The following DYNC1H1 variants were observed in gnomAD, a reference collection of about 807,000 sequenced individuals.
DYNC1H1 encodes the protein dynein cytoplasmic 1 heavy chain 1.
A neutral mutation model predicts 527.1 loss-of-function variants in DYNC1H1; 51 were observed. That is an observed-to-expected ratio of 0.10 (90% CI 0.08 to 0.12). The LOEUF is 0.12. Ranked by LOEUF, DYNC1H1 falls within the 10% of genes least tolerant of loss-of-function variation. The pLI is 1.00. For synonymous variants in DYNC1H1, 2,189 were observed against 2,278.8 expected, an observed-to-expected ratio of 0.96 and a Z score of 1.12; for missense variants, 2,771 against 5,971.8, an observed-to-expected ratio of 0.46 and a Z score of 17.66.
At position 101,997,376 on chromosome 14, in the gene DYNC1H1, A is replaced by G; in HGVS notation, c.3804+102A>G. The G allele has an allele frequency of 6.4e-7, 1 of 1,572,360 alleles. No individual in the cohort carries two copies. The highest frequency in any genetic ancestry group is 1.3e-5 in the African/African-American group (1 of 74,184). ...AGGCCTTGCTGTGACTGAGCTTTCT[A>G]GTATTGAAGACTCTTTTCCTTTTTG... On this transcript the variant is annotated intron_variant, in intron 16 of 77. Coordinates refer to ENST00000360184, the MANE Select transcript of DYNC1H1 (RefSeq NM_001376.5). The surrounding 1 kb of genome is among the most constrained non-coding windows in gnomAD (Gnocchi z 4.8).
At position 102,001,988 on chromosome 14, in the gene DYNC1H1, G is replaced by T. The variant is rs755884133; in HGVS notation, c.4542+307G>T. Among the ~76,000 whole-genome samples the T allele has an allele frequency of 2.0e-5, 3 of 152,068 alleles. No individual in the cohort carries two copies. Among genetic ancestry groups the T allele is most frequent in the Admixed American group, 6.5e-5 (1 of 15,282 alleles). On this transcript the variant is annotated intron_variant, in intron 21 of 77. Coordinates refer to ENST00000360184, the MANE Select transcript of DYNC1H1 (RefSeq NM_001376.5). This position sits in a 1 kb window ranked among gnomAD's most constrained non-coding sequence, Gnocchi z 5.0. ...GCATCTCACTATATTGCCCAGGCTG[G>T]TCTCGAACTCCTGGGCTTAAGCAGT...
Position 102,039,239 on chromosome 14 carries a change from G to A in DYNC1H1, c.11445G>A (p.Met3815Ile). The change falls in exon 60 of 78, where the codon ATG becomes ATA. Residue 3815 changes from methionine to isoleucine, a missense_variant. Met to Ile is a conservative substitution (Grantham distance 10). Coordinates refer to ENST00000360184, the MANE Select transcript of DYNC1H1 (RefSeq NM_001376.5). The surrounding 1 kb of genome is among the most constrained non-coding windows in gnomAD (Gnocchi z 7.0). The stretch of plus-strand genomic sequence containing the variant: ...CCTGCAGCAGCATCTACTTCACCAT[G>A]GAGTCCCTCAAGCAGGTGGGTGCCT... Reference protein sequence around the residue: ...STACSSIYFTMESLKQIHFLY... With the variant: ...STACSSIYFTIESLKQIHFLY... 1 of 1,613,620 alleles carries A rather than the reference G, an allele frequency of 6.2e-7. No individual in the cohort carries two copies. Among genetic ancestry groups the A allele is most frequent in the Non-Finnish European group, 8.5e-7 (1 of 1,180,034 alleles).
intron 16 of DYNC1H1, among the ~76,000 whole-genome samples, chr14:101,998,450 T>A (rs2048090678): frequency 6.6e-6 from 1 of 152,196 alleles, no homozygotes; most frequent in Admixed American, 6.5e-5. Flanking sequence ...TCCCAGGCGA[T>A]TGGTTTGTTT....
At position 102,044,948 on chromosome 14, in the gene DYNC1H1, A is replaced by G. The variant is rs1306226160; in HGVS notation, c.13006+250A>G. On this transcript the variant is annotated intron_variant, in intron 72 of 77. Coordinates refer to ENST00000360184, the MANE Select transcript of DYNC1H1 (RefSeq NM_001376.5). This position sits in a 1 kb window ranked among gnomAD's most constrained non-coding sequence, Gnocchi z 7.1. ...GCAGCATCAACTCAGTTCTAGAGAA[A>G]AGGCTTGATATTTATGTAAATGAGC... 7 of 562,572 alleles carry G rather than the reference A, an allele frequency of 1.2e-5. No homozygotes were observed. The highest frequency in any genetic ancestry group is 9.6e-6 in the Non-Finnish European group (3 of 313,520). The allele number at this position is 562,572 out of a possible 1,614,324, so 34.8% of individuals were successfully genotyped here.
chr14:102,048,910 C>G (rs2048764934), intron 74 of DYNC1H1: 1 of 572,234 alleles, frequency 1.7e-6, no homozygotes, highest in Non-Finnish European at 3.1e-6. Context: ...TACACAACTT[C>G]TAGTTTTTTA....
chr14:102,026,659 C>T lies in DYNC1H1; in HGVS notation c.8723C>T (p.Pro2908Leu). The change falls in exon 44 of 78, where the codon CCG (proline) becomes CTG (leucine). Residue 2908 changes from proline (P) to leucine (L), a missense_variant. Pro to Leu is a moderately conservative substitution (Grantham distance 98). Transcript: ENST00000360184. ...TTTTATGAAGAAGAACTTGATGTTC[C>T]GCTGGTGCTGTTTAATGAAGTCCTA... ...KVFYEEELDV[P>L]LVLFNEVLDH... 2 of 1,614,088 alleles carry T rather than the reference C, an allele frequency of 1.2e-6. No homozygotes were observed. The highest frequency in any genetic ancestry group is 1.7e-6 in the Non-Finnish European group (2 of 1,180,024).
intron 73 of DYNC1H1, 57 bp downstream of exon 73, chr14:102,048,085 T>C: frequency 6.4e-7 from 1 of 1,554,184 alleles, no homozygotes. Context: ...CTGGGTATGG[T>C]CATGGACCAT....
chr14:102,018,428 T>C lies in DYNC1H1; in HGVS notation c.8178-23T>C. 2.5e-6 allele frequency: 4 copies of C among 1,611,488 alleles called. No homozygotes were observed. The highest frequency in any genetic ancestry group is 2.5e-6 in the Non-Finnish European group (3 of 1,179,764). ...GGGAGGCGCTGTCAGGGAGGGGCGC[T>C]GAGCGGGGCTATCTGTGCACAGGTT... On this transcript the variant is annotated intron_variant, in intron 40 of 77. Coordinates refer to ENST00000360184, the MANE Select transcript of DYNC1H1 (RefSeq NM_001376.5). This position sits in a 1 kb window ranked among gnomAD's most constrained non-coding sequence, Gnocchi z 5.2.
chr14:101,991,166 C>T lies in DYNC1H1; in HGVS notation c.2869-361C>T, dbSNP rs368963526. Among the ~76,000 whole-genome samples the T allele has an allele frequency of 5.9e-5, 9 of 152,000 alleles. 1 individual carries two copies. The highest frequency in any genetic ancestry group is 1.9e-4 in the African/African-American group (8 of 41,482). On this transcript the variant is annotated intron_variant, in intron 10 of 77. Transcript: ENST00000360184. Reference sequence around the variant, plus strand: ...CCAGCCTGGGTGACAGAGTGAGACCCTATCTCAAAAAAACAAAAAGCAAAG... The same window carrying T: ...CCAGCCTGGGTGACAGAGTGAGACCTTATCTCAAAAAAACAAAAAGCAAAG...
At chr14:101,975,503 C>T (rs895839738) in intron 1 of DYNC1H1, among the ~76,000 whole-genome samples, 3 of 152,310 alleles carry the variant, frequency 2.0e-5, no homozygotes, top group South Asian at 4.1e-4. Context: ...CACGCTACCC[C>T]ACTTCACAGA....
chr14:101,977,330 G>C (rs2047812284), intron 2 of DYNC1H1, among the ~76,000 whole-genome samples: 1 of 152,108 alleles, frequency 6.6e-6, no homozygotes, highest in South Asian at 2.1e-4. Flanking sequence ...AGTAATCTCA[G>C]GTTACGGAAG....
rs376274132 is a variant in DYNC1H1 at position 102,012,019 on chromosome 14, G to A, written c.6763G>A (p.Asp2255Asn). The change falls in exon 33 of 78, where the codon GAC becomes AAC. Residue 2255 changes from aspartate to asparagine, a missense_variant. By Grantham distance (23) the Asp-to-Asn change is conservative (BLOSUM62 1). Transcript: ENST00000360184. This position sits in a 1 kb window ranked among gnomAD's most constrained non-coding sequence, Gnocchi z 4.9. ...TGTGGAAGGTGTGGCCCATATCATC[G>A]ACCCCAAGGCCATCAGCAAAGACCA... is the stretch of plus-strand genomic sequence containing the variant. The part of the protein sequence containing the change: ...EGVEGVAHII[D>N]PKAISKDHLY... 32 of 1,613,878 alleles carry A rather than the reference G, an allele frequency of 2.0e-5. No homozygotes were observed. Among genetic ancestry groups the A allele is most frequent in the Non-Finnish European group, 2.0e-5 (24 of 1,180,016 alleles).
chr14:101,987,169 G>A lies in DYNC1H1; in HGVS notation c.2539-284G>A, dbSNP rs187490018. Among the ~76,000 whole-genome samples the A allele has an allele frequency of 5.4e-4, 83 of 152,350 alleles. 1 individual carries two copies. In the South Asian group the frequency reaches 7.0e-3, roughly 13 times the overall value. On this transcript the variant is annotated intron_variant, in intron 8 of 77. Transcript: ENST00000360184. ...CCAGGCACAGGAGGAGCTTAACAGAGCACGTTTACTTCCTTCTCCCAGATT... is the reference window on the plus strand; with the variant it reads ...CCAGGCACAGGAGGAGCTTAACAGAACACGTTTACTTCCTTCTCCCAGATT...
intron 25 of DYNC1H1, 45 bp from the exon 26 acceptor site, chr14:102,004,997 A>C (rs1490989562): frequency 2.5e-6 from 4 of 1,614,122 alleles, no homozygotes; most frequent in Non-Finnish European, 2.5e-6. Flanking sequence ...AACGCAGACC[A>C]ATCTTTAAAA....
At chr14:101,969,048 C>G (rs1334134263) in intron 1 of DYNC1H1, among the ~76,000 whole-genome samples, 1 of 151,830 alleles carries the variant, frequency 6.6e-6, no homozygotes, top group Admixed American at 6.6e-5. Flanking sequence ...GACAGAGTCT[C>G]GCCCTGTCTC....
At position 102,012,305 on chromosome 14, in the gene DYNC1H1, C is replaced by T; in HGVS notation, c.6858-9C>T. 6.2e-7 allele frequency: 1 copy of T among 1,614,176 alleles called. No homozygotes were observed. Among genetic ancestry groups the T allele is most frequent in the Non-Finnish European group, 8.5e-7 (1 of 1,180,036 alleles). On this transcript the variant is annotated splice_polypyrimidine_tract_variant and intron_variant, in intron 33 of 77. Coordinates refer to ENST00000360184, the MANE Select transcript of DYNC1H1 (RefSeq NM_001376.5). The surrounding 1 kb of genome is among the most constrained non-coding windows in gnomAD (Gnocchi z 4.9). ...AATCAGCAGCTATTTTAAAATCCTT[C>T]CCAACCAGGATCATCGACAGCGTGA...
intron 2 of DYNC1H1, among the ~76,000 whole-genome samples, chr14:101,977,407 A>AT: frequency 6.6e-6 from 1 of 152,068 alleles, no homozygotes; most frequent in East Asian, 1.9e-4. Context: ...TTGCATTATC[A>AT]TTTTTCCCCT....
chr14:101,979,547 G>T lies in DYNC1H1; in HGVS notation c.518+55G>T. ...CACTTAATGTTCACAAGATAGTATA[G>T]AACTCGGTGTAAAACTTGGGAATTG... On this transcript the variant is annotated intron_variant, in intron 3 of 77. Transcript: ENST00000360184. This position sits in a 1 kb window ranked among gnomAD's most constrained non-coding sequence, Gnocchi z 4.6. 6.2e-7 allele frequency: 1 copy of T among 1,612,630 alleles called. No homozygotes were observed. Among genetic ancestry groups the T allele is most frequent in the Non-Finnish European group, 8.5e-7 (1 of 1,179,066 alleles).
Position 102,036,445 on chromosome 14 carries a change from C to T in DYNC1H1, c.10755-44C>T, listed in dbSNP as rs1567020249. ...CGGCTAACCGTGATCCTGTGCTTTC[C>T]CCATTCGGTGTTTCAACCTTCTCTT... is the stretch of plus-strand genomic sequence containing the variant. On this transcript the variant is annotated intron_variant, in intron 56 of 77. Transcript: ENST00000360184. The surrounding 1 kb of genome is among the most constrained non-coding windows in gnomAD (Gnocchi z 5.6). 3 of 1,611,136 alleles carry T rather than the reference C, an allele frequency of 1.9e-6. No homozygotes were observed. The East Asian group carries it at 6.7e-5, about 36-fold the overall frequency.
Sources: gnomAD v4.1 joint callset for allele counts (sites outside exome capture counted in the v4.1 genomes callset) on GRCh38, gnomAD v4.1.1 for gene constraint, Gnocchi (gnomAD v3.1) non-coding constraint, MANE v1.5 for transcripts, NCBI Gene and HGNC (gene_info 2026-07-23, HGNC 2026-07-21) for gene names.